CUX1: variants seen among roughly 807,000 people sequenced by gnomAD.
CUX1 encodes the protein cut like homeobox 1.
CUX1 carries 31 observed loss-of-function variants against 158.8 expected under a neutral mutation model. The observed-to-expected ratio is 0.20, with a 90% CI of 0.15 to 0.26. CUX1 has a LOEUF of 0.26. Ranked by LOEUF, CUX1 falls within the 10% of genes least tolerant of loss-of-function variation. CUX1 has a pLI of 1.00. For synonymous variants in CUX1, 879 were observed against 862.1 expected (o/e 1.02, Z -0.34); for missense variants, 1,589 against 2,014.6 (o/e 0.79, Z 4.04).
At chr7:102,167,967 A>G (rs1791237424) in intron 9 of CUX1, among the ~76,000 whole-genome samples, 1 of 151,842 alleles carries the variant, frequency 6.6e-6, no homozygotes, top group Non-Finnish European at 1.5e-5. Context: ...AATCCTAGCT[A>G]CTCGGGAGGC....
chr7:102,189,938 C>G (rs1304745770), intron 12 of CUX1, 67 bp downstream of exon 12: 2 of 1,556,344 alleles, frequency 1.3e-6, no homozygotes, highest in Non-Finnish European at 1.8e-6. Flanking sequence ...CTAACAATGC[C>G]AGGCTGGTGG....
At chr7:102,159,381 C>T (rs1221355699) in intron 9 of CUX1, among the ~76,000 whole-genome samples, 1 of 152,204 alleles carries the variant, frequency 6.6e-6, no homozygotes, top group Non-Finnish European at 1.5e-5. Flanking sequence ...ATGGCAAGTA[C>T]CCAGCACAGT....
intron 1 of CUX1, among the ~76,000 whole-genome samples, chr7:101,846,383 A>G (rs944337912): frequency 2.6e-5 from 4 of 151,772 alleles, no homozygotes; most frequent in Non-Finnish European, 5.9e-5. Context: ...CAGTGGTGCA[A>G]TCCTAGCTCA....
chr7:101,835,066 A>C (rs1413566215), intron 1 of CUX1, among the ~76,000 whole-genome samples: 1 of 152,076 alleles, frequency 6.6e-6, no homozygotes, highest in African/African-American at 2.4e-5. Context: ...TATACTCACA[A>C]TGTCGTGCAG....
intron 10 of CUX1, among the ~76,000 whole-genome samples, chr7:102,171,745 G>C (rs1327564491): frequency 1.3e-5 from 2 of 151,996 alleles, no homozygotes; most frequent in African/African-American, 2.4e-5. Context: ...ACCACGCCTA[G>C]CCTGATCCCT....
chr7:102,227,899 C>T (rs1031037822), intron 21 of CUX1, among the ~76,000 whole-genome samples: 41 of 150,364 alleles, frequency 2.7e-4, no homozygotes, highest in African/African-American at 9.1e-4. Flanking sequence ...AGAAGATGAG[C>T]ATGGAGTCAG....
intron 2 of CUX1, among the ~76,000 whole-genome samples, chr7:101,919,653 A>G (rs1010691604): frequency 2.0e-5 from 3 of 152,154 alleles, no homozygotes; most frequent in Non-Finnish European, 4.4e-5. Flanking sequence ...AAAGAAGGAA[A>G]GGTTTCCTGG....
chr7:102,010,028 C>A (rs188537263), intron 2 of CUX1, among the ~76,000 whole-genome samples: 1 of 152,074 alleles, frequency 6.6e-6, no homozygotes, highest in African/African-American at 2.4e-5. Flanking sequence ...CTCAGAACTG[C>A]GGACTTCTTA....
intron 10 of CUX1, among the ~76,000 whole-genome samples, chr7:102,175,657 G>A (rs575216353): frequency 1.3e-4 from 20 of 151,830 alleles, no homozygotes; most frequent in Admixed American, 5.9e-4. Flanking sequence ...ACAAGGTCCC[G>A]CCAGCCCTCC....
chr7:101,908,735 C>T (rs1245149090), intron 1 of CUX1, among the ~76,000 whole-genome samples: 5 of 152,176 alleles, frequency 3.3e-5, no homozygotes, highest in African/African-American at 1.2e-4. Context: ...GAGCCCCTGG[C>T]CTGGTGGGGG....
intron 20 of CUX1, among the ~76,000 whole-genome samples, chr7:102,206,471 C>T (rs1406443307): frequency 1.3e-5 from 2 of 152,142 alleles, no homozygotes; most frequent in African/African-American, 2.4e-5. Flanking sequence ...GTTTTACGGA[C>T]GTCTGCTTGG....
chr7:102,275,545 A>T (rs532890953), intron 17 of CUX1, among the ~76,000 whole-genome samples: 22 of 152,288 alleles, frequency 1.4e-4, no homozygotes, highest in African/African-American at 5.3e-4. Context: ...GAAGACTCAG[A>T]TGCTCACAGT....
chr7:102,192,986 G>C (rs1289686916), intron 12 of CUX1, among the ~76,000 whole-genome samples: 1 of 152,216 alleles, frequency 6.6e-6, no homozygotes, highest in Admixed American at 6.5e-5. Context: ...GCCCTTTTCA[G>C]TGCCATTGAG....
chr7:102,161,763 A>G (rs1790450978), intron 9 of CUX1, among the ~76,000 whole-genome samples: 2 of 152,032 alleles, frequency 1.3e-5, no homozygotes, highest in South Asian at 4.2e-4. Flanking sequence ...GGCGCCCACC[A>G]TGCCCAGCTA....
In CUX1 at chr7:101,934,549, G is replaced by C. The variant is rs534426014; in HGVS notation, c.141+18324G>C. Reference sequence around the variant, plus strand: ...CACGAATCTGACTTTTAAAAGCCCAGCTCTCAGCCCCGAGCCTCTCATGAG... The same window carrying C: ...CACGAATCTGACTTTTAAAAGCCCACCTCTCAGCCCCGAGCCTCTCATGAG... On this transcript the variant is annotated intron_variant, in intron 2 of 23. Transcript: ENST00000292535. Among the ~76,000 whole-genome samples, 12 of 152,296 alleles carry C rather than the reference G, an allele frequency of 7.9e-5. No individual in the cohort carries two copies. The East Asian group carries it at 2.3e-3, about 29-fold the overall frequency.
intron 2 of CUX1, among the ~76,000 whole-genome samples, chr7:101,944,969 C>A (rs562127452): frequency 1.5e-4 from 23 of 152,270 alleles, no homozygotes; most frequent in African/African-American, 5.3e-4. Context: ...TCTTCCAATA[C>A]CCAGAGTTAA....
At chr7:102,220,834 T>C (rs1797729646) in intron 20 of CUX1, among the ~76,000 whole-genome samples, 1 of 152,054 alleles carries the variant, frequency 6.6e-6, no homozygotes, top group Admixed American at 6.6e-5. Flanking sequence ...TTTTTTGAGA[T>C]GGAGTAGCTG....
chr7:102,226,407 G>A (rs563547581), intron 20 of CUX1, among the ~76,000 whole-genome samples: 1 of 152,254 alleles, frequency 6.6e-6, no homozygotes, highest in East Asian at 1.9e-4. Flanking sequence ...CTAGAGTTGG[G>A]TGCTGTGGAG....
At chr7:101,930,216 G>A (rs1318852094) in intron 2 of CUX1, among the ~76,000 whole-genome samples, 1 of 152,160 alleles carries the variant, frequency 6.6e-6, no homozygotes, top group Non-Finnish European at 1.5e-5. Flanking sequence ...TTGCTTTTGA[G>A]TATTTCTTTG....
Sources: allele counts gnomAD v4.1 joint callset (sites outside exome capture counted in the v4.1 genomes callset), GRCh38; gene constraint gnomAD v4.1.1; transcripts MANE v1.5; gene names NCBI Gene and HGNC (gene_info 2026-07-23, HGNC 2026-07-21).